The following SHANK1 variants were observed in gnomAD, a reference collection of about 807,000 sequenced individuals.
SHANK1 encodes the protein SH3 and multiple ankyrin repeat domains protein 1.
A neutral mutation model predicts 165.6 loss-of-function variants in SHANK1; 35 were observed. The ratio of observed to expected loss-of-function variants is 0.21; its 90% CI spans 0.16 to 0.28. The LOEUF (loss-of-function observed/expected upper bound fraction) is 0.28, where lower values mean the gene tolerates loss of function less well. Ranked by LOEUF, SHANK1 falls within the 10% of genes least tolerant of loss-of-function variation. The probability of loss-of-function intolerance (pLI) is 1.00; values close to 1 mark genes in which losing one functional copy is unlikely to be tolerated. For missense variants in SHANK1, 2,681 were observed against 3,036.4 expected (o/e 0.88, Z 2.75); for synonymous variants, 1,428 against 1,384.8 (o/e 1.03, Z -0.69).
In SHANK1 at chr19:50,713,054, C is replaced by T. The variant is rs1461943330; in HGVS notation, c.792+744G>A. Reference sequence around the variant, plus strand: ...GTATACTGCAGATCTTTGTGGCTGGCATCTGACTGCATTAGGGGCTCTTCA... The same window carrying T: ...GTATACTGCAGATCTTTGTGGCTGGTATCTGACTGCATTAGGGGCTCTTCA... On this transcript the variant is annotated intron_variant, in intron 6 of 23. Transcript: ENST00000293441. This position sits in a 1 kb window ranked among gnomAD's most constrained non-coding sequence, Gnocchi z 6.2. Among the ~76,000 whole-genome samples, 4 of 151,920 alleles carry T rather than the reference C, an allele frequency of 2.6e-5. No individual in the cohort carries two copies. Among genetic ancestry groups the T allele is most frequent in the African/African-American group, 9.7e-5 (4 of 41,310 alleles).
intron 6 of SHANK1, 98 bp from the exon 7 acceptor site, chr19:50,712,212 G>A: frequency 1.6e-6 from 2 of 1,267,222 alleles, no homozygotes; most frequent in Non-Finnish European, 2.2e-6. Context: ...CGTCCTGGGT[G>A]ACCTACAGTG....
At position 50,667,996 on chromosome 19, in the gene SHANK1, C is replaced by G; in HGVS notation, c.3964G>C (p.Gly1322Arg). The G allele has an allele frequency of 6.8e-7, 1 of 1,469,488 alleles. No individual in the cohort carries two copies. The highest frequency in any genetic ancestry group is 1.3e-5 in the South Asian group (1 of 77,658). The allele number at this position is 1,469,488 out of a possible 1,614,324, so 91.0% of individuals were successfully genotyped here. The change falls in exon 23 of 24, where the codon GGT becomes CGT. Residue 1322 changes from glycine to arginine, a missense_variant. By Grantham distance (125) the Gly-to-Arg change is moderately radical (BLOSUM62 -2). Coordinates refer to ENST00000293441, the MANE Select transcript of SHANK1 (RefSeq NM_016148.5). This position sits in a 1 kb window ranked among gnomAD's most constrained non-coding sequence, Gnocchi z 5.7. The part of the protein sequence containing the change: ...GYGAGSRAYG[G>R]GGGSSAFTSF... ...GTGAAGGCGCTGCTGCCCCCGCCAC[C>G]CCCGTAGGCTCGGCTACCGGCCCCG...
At chr19:50,665,953 G>A (rs923643387) in intron 23 of SHANK1, among the ~76,000 whole-genome samples, 3 of 150,206 alleles carry the variant, frequency 2.0e-5, no homozygotes, top group South Asian at 2.1e-4. Flanking sequence ...AGAGGTTGTG[G>A]TGAGCCGAGA....
chr19:50,659,369 A>G lies in SHANK1; in HGVS notation c.*2596T>C. On this transcript the variant is annotated 3_prime_UTR_variant, in exon 24 of 24. Transcript: ENST00000293441. ...GGAAGGGAGGTGATGGGGGGTAGGA[A>G]TGAACCCCCATGTTATAATCCCGCG... is the stretch of plus-strand genomic sequence containing the variant. 1 of 369,284 alleles carries G rather than the reference A, an allele frequency of 2.7e-6. No homozygotes were observed. Among genetic ancestry groups the G allele is most frequent in the Non-Finnish European group, 4.8e-6 (1 of 208,536 alleles). 22.9% of individuals were successfully genotyped at this position (369,284 alleles called of 1,614,324 possible).
intron 22 of SHANK1, among the ~76,000 whole-genome samples, chr19:50,671,594 C>G (rs1203059274): frequency 2.6e-5 from 4 of 151,810 alleles, no homozygotes; most frequent in African/African-American, 7.3e-5. Context: ...AAGGCAAGCC[C>G]ATGAGGGCAG....
rs893602809 is a variant in SHANK1, at chr19:50,667,034, A to G, written c.4926T>C (p.Pro1642=). Residue 1642 remains proline (P), a synonymous_variant, in exon 23 of 24, where the codon CCT becomes CCC. Transcript: ENST00000293441. The surrounding 1 kb of genome is among the most constrained non-coding windows in gnomAD (Gnocchi z 5.7). The part of the protein sequence containing the change: ...ATLTQGASAA[P]GDPHPPGPPA... Reference sequence around the variant, plus strand: ...GCGGGCCTGGTGGATGGGGGTCCCCAGGAGCGGCGGAGGCCCCCTGGGTCA... The same window carrying G: ...GCGGGCCTGGTGGATGGGGGTCCCCGGGAGCGGCGGAGGCCCCCTGGGTCA... The G allele has an allele frequency of 1.0e-5, 16 of 1,548,208 alleles. No individual in the cohort carries two copies. The African/African-American group carries it at 2.2e-4, about 21-fold the overall frequency.
At chr19:50,664,469 T>C (rs60637415) in intron 23 of SHANK1, among the ~76,000 whole-genome samples, 3 of 152,182 alleles carry the variant, frequency 2.0e-5, no homozygotes, top group African/African-American at 7.2e-5. Flanking sequence ...CCATCCCATG[T>C]TACAACAATG....
At chr19:50,680,914 C>T (rs1239448020) in intron 21 of SHANK1, among the ~76,000 whole-genome samples, 1 of 152,128 alleles carries the variant, frequency 6.6e-6, no homozygotes, top group Non-Finnish European at 1.5e-5. Context: ...CCTTGGCCTC[C>T]CAAAGTGCTG....
rs565871653 is a variant in SHANK1 at position 50,671,043 on chromosome 19, C to T, written c.2674+975G>A. Among the ~76,000 whole-genome samples, 389 of 152,000 alleles carry T rather than the reference C, an allele frequency of 2.6e-3. 2 individuals are homozygous for T. Among genetic ancestry groups the T allele is most frequent in the Middle Eastern group, 0.021 (6 of 292 alleles). On this transcript the variant is annotated intron_variant, in intron 22 of 23. Transcript: ENST00000293441. ...TCCTGACCTTGTGATCCGCCTGCCT[C>T]GGCCTCCCAAAGTGCTGGGATTACA... is the stretch of plus-strand genomic sequence containing the variant.
intron 21 of SHANK1, among the ~76,000 whole-genome samples, chr19:50,683,206 G>A (rs573245428): frequency 8.5e-5 from 13 of 152,308 alleles, no homozygotes; most frequent in African/African-American, 2.4e-4. Flanking sequence ...CCCAGAGGAC[G>A]TTGGGCAGTA....
intron 21 of SHANK1, among the ~76,000 whole-genome samples, chr19:50,675,347 C>G (rs969632719): frequency 2.6e-5 from 4 of 152,178 alleles, no homozygotes; most frequent in Admixed American, 6.5e-5. Flanking sequence ...CAACAGTTAC[C>G]TGTGGCTGGT....
Position 50,659,302 on chromosome 19 carries a change from C to A in SHANK1, c.*2663G>T. 1 of 552,636 alleles carries A rather than the reference C, an allele frequency of 1.8e-6. No individual in the cohort carries two copies. The highest frequency in any genetic ancestry group is 2.7e-6 in the Non-Finnish European group (1 of 367,984). 34.2% of individuals were successfully genotyped at this position (552,636 alleles called of 1,614,324 possible). On this transcript the variant is annotated 3_prime_UTR_variant, in exon 24 of 24. Transcript: ENST00000293441. The stretch of plus-strand genomic sequence containing the variant: ...TTTAATTATAAAGAATGACCTGGTA[C>A]AAAAGCCATTTCTCTCTGCAAAATC...
Position 50,713,973 on chromosome 19 carries a change from A to G in SHANK1, c.641-24T>C, listed in dbSNP as rs1442755335. On this transcript the variant is annotated intron_variant, in intron 5 of 23. Transcript: ENST00000293441. The surrounding 1 kb of genome is among the most constrained non-coding windows in gnomAD (Gnocchi z 6.2). ...CTCTGAAGGGCGGGAAAAGCTGGTC[A>G]CATGAAGCCCCTTCTCCTCCCCTCC... The G allele has an allele frequency of 6.2e-7, 1 of 1,612,740 alleles. No homozygotes were observed. Among genetic ancestry groups the G allele is most frequent in the South Asian group, 1.1e-5 (1 of 91,036 alleles).
chr19:50,667,328 C>T lies in SHANK1; in HGVS notation c.4632G>A (p.Leu1544=), dbSNP rs771107147. The T allele has an allele frequency of 1.3e-6, 2 of 1,578,558 alleles. No individual in the cohort carries two copies. The highest frequency in any genetic ancestry group is 1.7e-6 in the Non-Finnish European group (2 of 1,168,878). Residue 1544 remains leucine, a synonymous_variant, in exon 23 of 24, where the codon CTG becomes CTA. Coordinates refer to ENST00000293441, the MANE Select transcript of SHANK1 (RefSeq NM_016148.5). The surrounding 1 kb of genome is among the most constrained non-coding windows in gnomAD (Gnocchi z 5.7). ...AGGGGGCGGGAGGCGGCAGGACCAG[C>T]AGGGGCAGCCCGTTCTCTTCGCTGG... ...PRASEENGLP[L]LVLPPPAPSV...
intron 19 of SHANK1, 74 bp downstream of exon 19, chr19:50,687,508 G>C: frequency 8.3e-7 from 1 of 1,202,110 alleles, no homozygotes; most frequent in Non-Finnish European, 1.2e-6. Context: ...CAACACTAAC[G>C]AACTCAAGGG....
rs547363105 is a variant in SHANK1 at position 50,666,400 on chromosome 19, G to T, written c.5560C>A (p.Pro1854Thr). The T allele has an allele frequency of 9.9e-6, 16 of 1,613,018 alleles. No individual in the cohort carries two copies. The Admixed American group carries it at 2.5e-4, about 25-fold the overall frequency. Residue 1854 changes from proline to threonine, a missense_variant, in exon 23 of 24, where the codon CCC becomes ACC. Physicochemically the swap from Pro to Thr is conservative, Grantham distance 38 (BLOSUM62 -1). Transcript: ENST00000293441. The part of the protein sequence containing the change: ...PGPPPPPLPG[P>T]LAQPQASALA... ...GCTGAGGCCTGAGGCTGGGCCAAGGGCCCGGGCAGAGGTGGTGGCGGTGGG... is the reference window on the plus strand; with the variant it reads ...GCTGAGGCCTGAGGCTGGGCCAAGGTCCCGGGCAGAGGTGGTGGCGGTGGG...
At chr19:50,665,430 G>T (rs927515216) in intron 23 of SHANK1, among the ~76,000 whole-genome samples, 3 of 151,894 alleles carry the variant, frequency 2.0e-5, no homozygotes, top group Admixed American at 6.6e-5. Context: ...TGCCGGGCAT[G>T]GTGGCGGGCA....
In SHANK1 at chr19:50,660,875, C is replaced by A. The variant is rs1467688803; in HGVS notation, c.*1090G>T. 7.3e-6 allele frequency among the ~76,000 whole-genome samples: 1 copy of A among 137,614 alleles called. No individual in the cohort carries two copies. The highest frequency in any genetic ancestry group is 2.8e-5 in the African/African-American group (1 of 35,526). 90.3% of individuals were successfully genotyped at this position (137,614 alleles called of 152,430 possible). On this transcript the variant is annotated 3_prime_UTR_variant, in exon 24 of 24. Transcript: ENST00000293441. ...TGAGCATGTGTGAGAGAAACAGTTTCTGGGAGGCAAGTGTGCAAAAGGCGT... is the reference window on the plus strand; with the variant it reads ...TGAGCATGTGTGAGAGAAACAGTTTATGGGAGGCAAGTGTGCAAAAGGCGT...
rs1164836692 is a variant in SHANK1 at position 50,702,372 on chromosome 19, C to T, written c.1747+95G>A. The T allele has an allele frequency of 5.3e-6, 6 of 1,125,760 alleles. No individual in the cohort carries two copies. Among genetic ancestry groups the T allele is most frequent in the Non-Finnish European group, 7.5e-6 (6 of 802,366 alleles). The allele number at this position is 1,125,760 out of a possible 1,614,324, so 69.7% of individuals were successfully genotyped here. ...AGGTCTCCAGAGTGCATGAGATACT[C>T]CAGGTGCCCGAGAATGGTCTGCTCT... On this transcript the variant is annotated intron_variant, in intron 12 of 23. Coordinates refer to ENST00000293441, the MANE Select transcript of SHANK1 (RefSeq NM_016148.5). The surrounding 1 kb of genome is among the most constrained non-coding windows in gnomAD (Gnocchi z 5.3).
Sources: gnomAD v4.1 joint callset for allele counts (sites outside exome capture counted in the v4.1 genomes callset) on GRCh38, gnomAD v4.1.1 for gene constraint, Gnocchi (gnomAD v3.1) non-coding constraint, MANE v1.5 for transcripts, NCBI Gene and HGNC (gene_info 2026-07-23, HGNC 2026-07-21) for gene names.